PUDP: variants seen among roughly 807,000 people sequenced by gnomAD.
PUDP encodes the protein pseudouridine 5'-phosphatase.
PUDP carries 8 observed loss-of-function variants against 9.4 expected under a neutral mutation model. The ratio of observed to expected loss-of-function variants is 0.85; its 90% CI spans 0.50 to 1.53. The LOEUF is 1.53. Among genes scored for constraint, PUDP ranks in the 40% most tolerant of loss-of-function variants. The pLI is 0.00. For missense variants in PUDP, 188 were observed against 189.7 expected, an observed-to-expected ratio of 0.99 and a Z score of 0.05; for synonymous variants, 99 against 80.7, an observed-to-expected ratio of 1.23 and a Z score of -1.22.
intron 3 of PUDP, among the ~76,000 whole-genome samples, chrX:6,860,703 C>T (rs994084300): frequency 9.0e-6 from 1 of 111,365 alleles, no homozygotes; most frequent in Non-Finnish European, 1.9e-5. Flanking sequence ...AACTCCTGAC[C>T]TCAGGTAATC....
chrX:6,728,704 C>T (rs1250677631), intron 3 of PUDP, among the ~76,000 whole-genome samples: 3 of 111,688 alleles, frequency 2.7e-5, no homozygotes, highest in South Asian at 3.8e-4. Flanking sequence ...TACCCCACAT[C>T]CCTTTCCCTC....
intron 3 of PUDP, among the ~76,000 whole-genome samples, chrX:6,860,706 A>T (rs1230625509): frequency 9.0e-6 from 1 of 111,432 alleles, no homozygotes; most frequent in Non-Finnish European, 1.9e-5. Context: ...TCCTGACCTC[A>T]GGTAATCCGC....
chrX:7,015,524 C>T (rs1004053659), intron 1 of PUDP, among the ~76,000 whole-genome samples: 11 of 111,648 alleles, frequency 9.9e-5, no homozygotes, highest in South Asian at 3.8e-4. Flanking sequence ...CTTTCTGGAA[C>T]GGAGGTCTTA....
chrX:7,061,352 T>TA (rs999513731), intron 3 of PUDP, among the ~76,000 whole-genome samples: 13 of 111,031 alleles, frequency 1.2e-4, no homozygotes, highest in Non-Finnish European at 2.5e-4. Context: ...CTTGATACAT[T>TA]AAAAAAAAGT....
intron 3 of PUDP, among the ~76,000 whole-genome samples, chrX:6,956,082 C>T (rs1324753871): frequency 8.9e-6 from 1 of 112,331 alleles, no homozygotes; most frequent in East Asian, 2.8e-4. Context: ...TGAAATCTCG[C>T]TCTGTCGCCC....
chrX:6,846,201 G>A (rs902239102), intron 3 of PUDP, among the ~76,000 whole-genome samples: 4 of 110,369 alleles, frequency 3.6e-5, no homozygotes, highest in African/African-American at 6.6e-5. Context: ...TCAGGAGATC[G>A]AGACCATCCT....
chrX:6,832,865 C>T (rs1323712828), intron 3 of PUDP, among the ~76,000 whole-genome samples: 1 of 111,455 alleles, frequency 9.0e-6, no homozygotes, highest in African/African-American at 3.3e-5. Context: ...GGAGGCCCTT[C>T]TGCACATTCC....
chrX:7,147,549 A>T (rs1268004492), intron 1 of PUDP, among the ~76,000 whole-genome samples: 2 of 112,302 alleles, frequency 1.8e-5, no homozygotes, highest in African/African-American at 6.5e-5. Flanking sequence ...AACCGCTACC[A>T]TGCAGGATGC....
intron 3 of PUDP, among the ~76,000 whole-genome samples, chrX:6,752,729 C>G (rs750062885): frequency 2.7e-5 from 3 of 110,502 alleles, no homozygotes; most frequent in African/African-American, 9.9e-5. Context: ...CCTGGATGAT[C>G]ATGGTGCCAT....
At chrX:6,749,530 G>A (rs969685747) in intron 3 of PUDP, among the ~76,000 whole-genome samples, 20 of 111,861 alleles carry the variant, frequency 1.8e-4, no homozygotes, top group African/African-American at 5.8e-4. Context: ...TATCCAGAGA[G>A]AAAGAACTAT....
At chrX:6,950,598 G>T (rs1928540577) in intron 3 of PUDP, among the ~76,000 whole-genome samples, 1 of 106,085 alleles carries the variant, frequency 9.4e-6, no homozygotes, top group African/African-American at 3.4e-5. Context: ...TTTTAGTGTA[G>T]ACAGGGTTTC....
At chrX:6,978,006 CT>C (rs1249692899) in intron 2 of PUDP, among the ~76,000 whole-genome samples, 3 of 112,359 alleles carry the variant, frequency 2.7e-5, no homozygotes, top group Non-Finnish European at 5.6e-5. Flanking sequence ...ACACTGGAGT[CT>C]GGGGCCAGAG....
chrX:6,740,769 G>A (rs770029484), intron 3 of PUDP, among the ~76,000 whole-genome samples: 34 of 111,831 alleles, frequency 3.0e-4, no homozygotes, highest in Non-Finnish European at 6.0e-4. Context: ...ACACCCTCTC[G>A]TGCTCCTCAT....
intron 3 of PUDP, among the ~76,000 whole-genome samples, chrX:6,830,970 T>G (rs1177893548): frequency 9.0e-6 from 1 of 111,731 alleles, no homozygotes; most frequent in Non-Finnish European, 1.9e-5. Context: ...TTATTATTAC[T>G]CAAATCAGTC....
At chrX:7,118,142 T>A (rs1482739183) in intron 1 of PUDP, among the ~76,000 whole-genome samples, 4 of 112,826 alleles carry the variant, frequency 3.5e-5, no homozygotes, top group Non-Finnish European at 7.5e-5. Flanking sequence ...GCTGACATAT[T>A]TGGGTTTTAC....
intron 3 of PUDP, among the ~76,000 whole-genome samples, chrX:6,935,922 A>G (rs1176271228): frequency 1.0e-5 from 1 of 95,912 alleles, no homozygotes; most frequent in African/African-American, 3.8e-5. Context: ...CACTCTCCCA[A>G]GACTAAACCA....
At chrX:6,792,652 C>T (rs1925768158) in intron 3 of PUDP, among the ~76,000 whole-genome samples, 1 of 111,996 alleles carries the variant, frequency 8.9e-6, no homozygotes, top group African/African-American at 3.2e-5. Context: ...CCGCCTTTGT[C>T]CAATTATACT....
intron 3 of PUDP, among the ~76,000 whole-genome samples, chrX:6,789,017 C>T (rs1602619626): frequency 1.8e-5 from 2 of 111,381 alleles, no homozygotes; most frequent in Non-Finnish European, 1.9e-5. Context: ...AGACCGGGCG[C>T]GGTGGCTCAC....
At chrX:6,988,579 A>G (rs1208719893) in intron 1 of PUDP, among the ~76,000 whole-genome samples, 1 of 111,795 alleles carries the variant, frequency 8.9e-6, no homozygotes, top group Non-Finnish European at 1.9e-5. Context: ...TGAGTCCTGG[A>G]GGCCTTCCTC....
Sources: allele counts gnomAD v4.1 joint callset (sites outside exome capture counted in the v4.1 genomes callset), GRCh38; gene constraint gnomAD v4.1.1; transcripts MANE v1.5; gene names NCBI Gene and HGNC (gene_info 2026-07-23, HGNC 2026-07-21).